Variants in SEPTIN11 observed in about 807,000 individuals in gnomAD.
SEPTIN11 encodes septin-11.
Under a neutral mutation model 51.4 loss-of-function variants are expected in SEPTIN11, and 25 were observed. The observed-to-expected ratio is 0.49, with a 90% CI of 0.35 to 0.68. SEPTIN11 has a LOEUF of 0.68. Ranked by LOEUF, SEPTIN11 falls within the 30% of genes least tolerant of loss-of-function variation. SEPTIN11 has a pLI of 0.00. For synonymous variants in SEPTIN11, 174 were observed against 184.1 expected, an observed-to-expected ratio of 0.95 and a Z score of 0.44; for missense variants, 381 against 520.8, an observed-to-expected ratio of 0.73 and a Z score of 2.61.
chr4:77,028,598 A>G (rs1461732725), intron 7 of SEPTIN11, 31 bp from the exon 8 acceptor site: 21 of 1,566,100 alleles, frequency 1.3e-5, no homozygotes, highest in Non-Finnish European at 1.8e-5. Context: ...CAATTTCATG[A>G]TGCTGTCCTT....
chr4:76,958,092 A>T (rs1044372552), intron 1 of SEPTIN11, among the ~76,000 whole-genome samples: 1 of 152,212 alleles, frequency 6.6e-6, no homozygotes, highest in African/African-American at 2.4e-5. Context: ...TTGACTCAAT[A>T]AGTGAAAATT....
At chr4:76,952,483 C>T (rs760881858) in intron 1 of SEPTIN11, among the ~76,000 whole-genome samples, 1 of 152,142 alleles carries the variant, frequency 6.6e-6, no homozygotes, top group African/African-American at 2.4e-5. Flanking sequence ...TGAATGGGAA[C>T]ATCTGAGTGT....
chr4:76,994,330 C>T (rs1465822075), intron 1 of SEPTIN11, among the ~76,000 whole-genome samples: 1 of 152,192 alleles, frequency 6.6e-6, no homozygotes, highest in African/African-American at 2.4e-5. Flanking sequence ...CTTAAAAACA[C>T]CTGCTGTCTG....
intron 1 of SEPTIN11, among the ~76,000 whole-genome samples, chr4:76,969,364 G>A (rs1471973798): frequency 6.6e-6 from 1 of 152,046 alleles, no homozygotes; most frequent in South Asian, 2.1e-4. Context: ...TTTCTAAATC[G>A]AATCCACTGA....
At chr4:77,008,509 A>G (rs1332448696) in intron 3 of SEPTIN11, among the ~76,000 whole-genome samples, 4 of 152,226 alleles carry the variant, frequency 2.6e-5, no homozygotes, top group African/African-American at 9.6e-5. Context: ...ACAGACAGCA[A>G]GATAAGGGAA....
In SEPTIN11 at chr4:77,028,610, G is replaced by A. The variant is rs986796057; in HGVS notation, c.954-19G>A. ...ATACAATTTCATGATGCTGTCCTTC[G>A]TTTGTGGATTTTCAATAGTCTTCAG... On this transcript the variant is annotated intron_variant, in intron 7 of 9. Coordinates refer to ENST00000264893, the MANE Select transcript of SEPTIN11 (RefSeq NM_018243.4). 11 of 1,575,894 alleles carry A rather than the reference G, an allele frequency of 7.0e-6. No homozygotes were observed. The highest frequency in any genetic ancestry group is 4.1e-5 in the African/African-American group (3 of 72,800).
chr4:76,967,919 C>T (rs1722095175), intron 1 of SEPTIN11, among the ~76,000 whole-genome samples: 1 of 152,102 alleles, frequency 6.6e-6, no homozygotes, highest in African/African-American at 2.4e-5. Flanking sequence ...GTTTCTGTAA[C>T]AGGATTTCTC....
intron 1 of SEPTIN11, among the ~76,000 whole-genome samples, chr4:76,969,749 G>A (rs1247239351): frequency 6.6e-6 from 1 of 152,076 alleles, no homozygotes; most frequent in Non-Finnish European, 1.5e-5. Context: ...ATAGTAATGG[G>A]ATTTTTCTCT....
intron 1 of SEPTIN11, among the ~76,000 whole-genome samples, chr4:76,975,184 A>G (rs1473201430): frequency 6.6e-6 from 1 of 151,914 alleles, no homozygotes; most frequent in Middle Eastern, 3.2e-3. Flanking sequence ...CTTATTGAAC[A>G]CAGCTTGAGT....
chr4:76,983,956 G>A (rs1226286599), intron 1 of SEPTIN11, among the ~76,000 whole-genome samples: 3 of 152,098 alleles, frequency 2.0e-5, no homozygotes, highest in East Asian at 1.9e-4. Context: ...GCATTGAGCC[G>A]AGATCGCGCT....
chr4:77,038,932 T>C, downstream of SEPTIN11: 1 of 506,666 alleles, frequency 2.0e-6, no homozygotes, highest in Non-Finnish European at 3.4e-6. Context: ...CTGCTCACCC[T>C]CCCGTCGAGC....
At chr4:76,961,133 C>T (rs1163076391) in intron 1 of SEPTIN11, among the ~76,000 whole-genome samples, 1 of 152,198 alleles carries the variant, frequency 6.6e-6, no homozygotes, top group Non-Finnish European at 1.5e-5. Context: ...CAGCCCAACA[C>T]ATTTTCTTAG....
intron 1 of SEPTIN11, among the ~76,000 whole-genome samples, chr4:76,980,672 C>T (rs1256573440): frequency 6.6e-6 from 1 of 152,152 alleles, no homozygotes; most frequent in Non-Finnish European, 1.5e-5. Flanking sequence ...GAAAGTAGTT[C>T]TTGTTTTTGC....
intron 1 of SEPTIN11, chr4:76,995,838 C>T (rs961083803): frequency 6.5e-7 from 1 of 1,535,368 alleles, no homozygotes; most frequent in South Asian, 1.2e-5. Context: ...CTAGGAGCTA[C>T]AGGGTGAAGA....
downstream of SEPTIN11, chr4:77,038,726 G>A (rs550511327): frequency 2.1e-5 from 19 of 888,710 alleles, no homozygotes; most frequent in Middle Eastern, 1.6e-3. Context: ...TTCCTGCCTC[G>A]TGTGGTAGAC....
chr4:77,002,195 C>T (rs1281264036), intron 2 of SEPTIN11, among the ~76,000 whole-genome samples: 1 of 152,030 alleles, frequency 6.6e-6, no homozygotes, highest in African/African-American at 2.4e-5. Flanking sequence ...ATTGATTAAC[C>T]CTGTGCTGTA....
chr4:76,983,040 G>A (rs1440791274), intron 1 of SEPTIN11, among the ~76,000 whole-genome samples: 1 of 151,922 alleles, frequency 6.6e-6, no homozygotes, highest in African/African-American at 2.4e-5. Context: ...TTGAAATAAT[G>A]TATACTTTGG....
chr4:77,023,279 C>CACACAG lies in SEPTIN11; in HGVS notation c.953+2614_953+2615insGACACA, dbSNP rs1578198792. The stretch of plus-strand genomic sequence containing the variant: ...AAAAGGGAAAATGTATACACACACA[C>CACACAG]ACACACACACACACACACACACAAT... On this transcript the variant is annotated intron_variant, in intron 7 of 9. Transcript: ENST00000264893. 7.5e-5 allele frequency among the ~76,000 whole-genome samples: 10 copies of CACACAG among 132,976 alleles called. No individual in the cohort carries two copies. In the East Asian group the frequency reaches 2.1e-3, roughly 27 times the overall value. 87.2% of individuals were successfully genotyped at this position (132,976 alleles called of 152,430 possible).
Position 77,011,529 on chromosome 4 carries a change from C to T in SEPTIN11, c.339-206C>T, listed in dbSNP as rs147763542. 3.1e-3 allele frequency among the ~76,000 whole-genome samples: 310 copies of T among 100,772 alleles called. 1 individual carries two copies. The highest frequency in any genetic ancestry group is 0.012 in the African/African-American group (294 of 24,962). 66.1% of individuals were successfully genotyped at this position (100,772 alleles called of 152,430 possible). ...ATAAGGGCTTGACATGGGTGGGGGGCGGGCTGCTACAAATGATTGGGCGTG... is the reference window on the plus strand; with the variant it reads ...ATAAGGGCTTGACATGGGTGGGGGGTGGGCTGCTACAAATGATTGGGCGTG... On this transcript the variant is annotated intron_variant, in intron 3 of 9. Transcript: ENST00000264893.
Sources: gnomAD v4.1 joint callset for allele counts (sites outside exome capture counted in the v4.1 genomes callset) on GRCh38, gnomAD v4.1.1 for gene constraint, MANE v1.5 for transcripts, NCBI Gene and HGNC (gene_info 2026-07-23, HGNC 2026-07-21) for gene names.